Variants in FSIP1 observed in about 807,000 individuals in gnomAD.
FSIP1 encodes the protein fibrous sheath interacting protein 1.
A neutral mutation model predicts 60.9 loss-of-function variants in FSIP1; 65 were observed. The observed-to-expected ratio is 1.07, with a 90% CI of 0.87 to 1.31. FSIP1 has a LOEUF of 1.31. Among genes scored for constraint, FSIP1 ranks in the 40% most tolerant of loss-of-function variants. The probability of loss-of-function intolerance (pLI) is 0.00; values close to 1 mark genes in which losing one functional copy is unlikely to be tolerated. For synonymous variants in FSIP1, 209 were observed against 221.2 expected, an observed-to-expected ratio of 0.94 and a Z score of 0.49; for missense variants, 675 against 665.5, an observed-to-expected ratio of 1.01 and a Z score of -0.16.
intron 10 of FSIP1, among the ~76,000 whole-genome samples, chr15:39,656,598 T>G (rs1893079334): frequency 6.6e-6 from 1 of 152,204 alleles, no homozygotes; most frequent in Non-Finnish European, 1.5e-5. Context: ...TCTTCATCTA[T>G]AAAGTCAGCA....
chr15:39,767,533 T>C (rs990896275), intron 3 of FSIP1, among the ~76,000 whole-genome samples: 1 of 152,216 alleles, frequency 6.6e-6, no homozygotes, highest in Non-Finnish European at 1.5e-5. Flanking sequence ...CAGGCACTCC[T>C]ATTTTCATGC....
chr15:39,740,808 T>C (rs949111572), intron 6 of FSIP1, among the ~76,000 whole-genome samples: 1 of 151,970 alleles, frequency 6.6e-6, no homozygotes, highest in African/African-American at 2.4e-5. Flanking sequence ...AGAGAAAGAG[T>C]AAGATCTCTT....
chr15:39,744,776 G>GTC (rs1367674346), intron 5 of FSIP1, among the ~76,000 whole-genome samples: 5 of 46,096 alleles, frequency 1.1e-4, no homozygotes, highest in Non-Finnish European at 1.8e-4. Context: ...CTCCCCCTCA[G>GTC]TCACACACAC....
intron 10 of FSIP1, among the ~76,000 whole-genome samples, chr15:39,710,071 GT>G (rs972212903): frequency 7.2e-5 from 11 of 152,140 alleles, no homozygotes; most frequent in African/African-American, 2.7e-4. Flanking sequence ...GGTACAGTGC[GT>G]TTTCAGAGTT....
chr15:39,739,837 T>C (rs1202858935), intron 6 of FSIP1, 48 bp from the exon 7 acceptor site: 1 of 1,250,958 alleles, frequency 8.0e-7, no homozygotes, highest in African/African-American at 1.5e-5. Flanking sequence ...AAGTGTCAAT[T>C]ATGCTAAAAG....
intron 10 of FSIP1, among the ~76,000 whole-genome samples, chr15:39,650,708 C>T (rs537324170): frequency 5.3e-5 from 8 of 152,302 alleles, no homozygotes; most frequent in Admixed American, 5.2e-4. Flanking sequence ...GACGGTCTAT[C>T]GTACAGCATC....
intron 8 of FSIP1, among the ~76,000 whole-genome samples, chr15:39,730,806 G>A (rs1003454647): frequency 1.3e-5 from 2 of 152,188 alleles, no homozygotes; most frequent in African/African-American, 4.8e-5. Flanking sequence ...GATGGTGGCA[G>A]CAATGAGCAT....
chr15:39,605,805 C>CTAA (rs1890803029), intron 11 of FSIP1, among the ~76,000 whole-genome samples: 1 of 152,200 alleles, frequency 6.6e-6, no homozygotes, highest in Non-Finnish European at 1.5e-5. Flanking sequence ...AGTCCCAGAG[C>CTAA]TAATCATTTT....
chr15:39,676,705 G>GC (rs2140479094), intron 10 of FSIP1, among the ~76,000 whole-genome samples: 1 of 152,232 alleles, frequency 6.6e-6, no homozygotes, highest in Admixed American at 6.5e-5. Context: ...TAGAGATGTA[G>GC]CCACTCAGCC....
intron 9 of FSIP1, 108 bp downstream of exon 9, chr15:39,726,481 T>C (rs946373937): frequency 2.3e-5 from 26 of 1,110,282 alleles, no homozygotes; most frequent in Non-Finnish European, 2.2e-5. Flanking sequence ...CACACTGTTA[T>C]GAAACTATGA....
chr15:39,703,326 T>C (rs1895136508), intron 10 of FSIP1, among the ~76,000 whole-genome samples: 1 of 152,210 alleles, frequency 6.6e-6, no homozygotes, highest in African/African-American at 2.4e-5. Context: ...TGGCACATTA[T>C]TATTCAGAAA....
At chr15:39,640,877 T>C (rs1459405375) in intron 10 of FSIP1, among the ~76,000 whole-genome samples, 1 of 152,214 alleles carries the variant, frequency 6.6e-6, no homozygotes, top group East Asian at 1.9e-4. Flanking sequence ...CTCTGGCCAC[T>C]GGGATTGGCC....
At chr15:39,718,331 T>A (rs951188302) in intron 9 of FSIP1, among the ~76,000 whole-genome samples, 1 of 151,666 alleles carries the variant, frequency 6.6e-6, no homozygotes, top group African/African-American at 2.4e-5. Context: ...TATGTGTGTA[T>A]ATATATATAG....
chr15:39,664,536 G>A (rs1893421415), intron 10 of FSIP1, among the ~76,000 whole-genome samples: 1 of 152,074 alleles, frequency 6.6e-6, no homozygotes, highest in African/African-American at 2.4e-5. Flanking sequence ...GCAAGCGAAT[G>A]TATTTTATTT....
At chr15:39,653,087 G>A (rs552273927) in intron 10 of FSIP1, among the ~76,000 whole-genome samples, 1 of 150,324 alleles carries the variant, frequency 6.7e-6, no homozygotes, top group East Asian at 2.0e-4. Context: ...GAGGTGGAAG[G>A]ATGTCTTGAG....
chr15:39,693,369 G>GCAGATTTATTTAA (rs1405160557), intron 10 of FSIP1, among the ~76,000 whole-genome samples: 1 of 152,112 alleles, frequency 6.6e-6, no homozygotes. Flanking sequence ...TTGTGCCCTT[G>GCAGATTTATTTAA]CAGATTTATT....
chr15:39,609,185 G>T (rs1473403572), intron 11 of FSIP1, among the ~76,000 whole-genome samples: 1 of 152,218 alleles, frequency 6.6e-6, no homozygotes, highest in Non-Finnish European at 1.5e-5. Context: ...CATGGATCTT[G>T]CAGTGGCTCT....
intron 10 of FSIP1, among the ~76,000 whole-genome samples, chr15:39,665,530 T>C (rs1234913740): frequency 6.6e-6 from 1 of 152,094 alleles, no homozygotes; most frequent in Non-Finnish European, 1.5e-5. Flanking sequence ...GGAAAGATAG[T>C]CTAAGTTTGT....
intron 3 of FSIP1, among the ~76,000 whole-genome samples, chr15:39,767,328 T>C (rs916536689): frequency 2.6e-5 from 4 of 152,238 alleles, no homozygotes; most frequent in Non-Finnish European, 4.4e-5. Flanking sequence ...AGGTAGTCTA[T>C]ATAGCGGGCA....
Sources: allele counts gnomAD v4.1 joint callset (sites outside exome capture counted in the v4.1 genomes callset), GRCh38; gene constraint gnomAD v4.1.1; transcripts MANE v1.5; gene names NCBI Gene and HGNC (gene_info 2026-07-23, HGNC 2026-07-21).